Variants in MAP3K20 observed in about 807,000 individuals in gnomAD.
MAP3K20 encodes mitogen-activated protein kinase kinase kinase 20.
MAP3K20 carries 40 observed loss-of-function variants against 85.7 expected under a neutral mutation model. The observed-to-expected ratio is 0.47, with a 90% CI of 0.36 to 0.61. The LOEUF is 0.61. Among genes scored for constraint, MAP3K20 ranks in the 20% least tolerant of loss-of-function variants. The pLI is 0.00. For missense variants in MAP3K20, 817 were observed against 961.7 expected, an observed-to-expected ratio of 0.85 and a Z score of 1.99; for synonymous variants, 325 against 327.7, an observed-to-expected ratio of 0.99 and a Z score of 0.09.
Position 173,169,868 on chromosome 2 carries a change from C to T in MAP3K20, c.223C>T (p.Pro75Ser). The T allele has an allele frequency of 6.2e-7, 1 of 1,613,872 alleles. No homozygotes were observed. The highest frequency in any genetic ancestry group is 8.5e-7 in the Non-Finnish European group (1 of 1,179,914). Residue 75 changes from proline (P) to serine (S), a missense_variant, in exon 3 of 20, where the codon CCT becomes TCT. Pro to Ser is a moderately conservative substitution (Grantham distance 74). Transcript: ENST00000375213. Reference sequence around the variant, plus strand: ...CCAGTTTTATGGAGTAATTCTTGAACCTCCCAACTATGGCATTGTCACAGG... The same window carrying T: ...CCAGTTTTATGGAGTAATTCTTGAATCTCCCAACTATGGCATTGTCACAGG... ...IIQFYGVILE[P>S]PNYGIVTEYA...
Position 173,266,504 on chromosome 2 carries a change from G to C in MAP3K20, c.2157G>C (p.Gln719His). 6.2e-7 allele frequency: 1 copy of C among 1,614,080 alleles called. No individual in the cohort carries two copies. Among genetic ancestry groups the C allele is most frequent in the Non-Finnish European group, 8.5e-7 (1 of 1,180,008 alleles). ...RYPGKFYRVSQSALNPHQSPD... is the reference protein window; with the variant it reads ...RYPGKFYRVSHSALNPHQSPD... The stretch of plus-strand genomic sequence containing the variant: ...CTGGAAAGTTCTACAGGGTTTCTCA[G>C]TCAGCACTCAATCCTCACCAGTCGC... The change falls in exon 20 of 20, where the codon CAG becomes CAC. Residue 719 changes from glutamine (Q) to histidine (H), a missense_variant. By Grantham distance (24) the Gln-to-His change is conservative. Transcript: ENST00000375213.
chr2:173,185,135 G>T (rs1690449348), intron 4 of MAP3K20, among the ~76,000 whole-genome samples: 1 of 152,138 alleles, frequency 6.6e-6, no homozygotes, highest in South Asian at 2.1e-4. Flanking sequence ...CAGCTACTCA[G>T]GAGGCTAAGG....
intron 17 of MAP3K20, 84 bp from the exon 18 acceptor site, chr2:173,260,979 A>G (rs1685277916): frequency 1.6e-6 from 2 of 1,265,776 alleles, no homozygotes; most frequent in Admixed American, 1.8e-5. Flanking sequence ...CTAATTGTGT[A>G]TGGCACAACC....
intron 7 of MAP3K20, 56 bp downstream of exon 7, chr2:173,191,233 A>G: frequency 6.2e-7 from 1 of 1,600,512 alleles, no homozygotes; most frequent in Non-Finnish European, 8.5e-7. Flanking sequence ...GCAAACACTC[A>G]AAAGAAGAGA....
intron 8 of MAP3K20, 124 bp from the exon 9 acceptor site, chr2:173,203,672 G>T: frequency 4.2e-6 from 3 of 720,598 alleles, no homozygotes; most frequent in East Asian, 2.5e-5. Flanking sequence ...ATCAATGGAA[G>T]CTTTAAATTT....
In MAP3K20 at chr2:173,267,673, A is replaced by AGTTTT; in HGVS notation, c.*923_*924insGTTTT. On this transcript the variant is annotated 3_prime_UTR_variant, in exon 20 of 20. Transcript: ENST00000375213. ...TCACCAAAGGAGCAAAGAGGATAAAACAACACTCCATAAAGGCCTCTTGGG... is the reference window on the plus strand; with the variant it reads ...TCACCAAAGGAGCAAAGAGGATAAAAGTTTTCAACACTCCATAAAGGCCTCTTGGG... The AGTTTT allele has an allele frequency of 6.6e-6, 1 of 152,346 alleles. No homozygotes were observed. Among genetic ancestry groups the AGTTTT allele is most frequent in the African/African-American group, 2.4e-5 (1 of 41,570 alleles). 9.4% of individuals were successfully genotyped at this position (152,346 alleles called of 1,614,324 possible).
chr2:173,155,749 T>G (rs1689450610), intron 2 of MAP3K20, among the ~76,000 whole-genome samples: 1 of 152,212 alleles, frequency 6.6e-6, no homozygotes, highest in South Asian at 2.1e-4. Flanking sequence ...TGTTTTGGGA[T>G]TATTTGACCA....
chr2:173,107,312 G>A (rs1687810247), intron 2 of MAP3K20, among the ~76,000 whole-genome samples: 1 of 152,296 alleles, frequency 6.6e-6, no homozygotes, highest in Middle Eastern at 3.4e-3. Context: ...CTGGACAGAG[G>A]AGGCAAGGGA....
chr2:173,166,110 T>C (rs1484297092), intron 2 of MAP3K20, among the ~76,000 whole-genome samples: 2 of 152,360 alleles, frequency 1.3e-5, no homozygotes, highest in African/African-American at 4.8e-5. Context: ...CAGCCCCTGG[T>C]TACAACCTCT....
At chr2:173,129,277 C>T (rs1247028409) in intron 2 of MAP3K20, among the ~76,000 whole-genome samples, 1 of 152,118 alleles carries the variant, frequency 6.6e-6, no homozygotes, top group Non-Finnish European at 1.5e-5. Context: ...TATATGAATA[C>T]TTACTAACAG....
At chr2:173,134,336 C>T (rs1256725387) in intron 2 of MAP3K20, among the ~76,000 whole-genome samples, 51 of 134,356 alleles carry the variant, frequency 3.8e-4, no homozygotes, top group African/African-American at 1.3e-3. Context: ...TAGCTAGAAC[C>T]ACAGGCGCAT....
chr2:173,162,760 C>G (rs1315893371), intron 2 of MAP3K20, among the ~76,000 whole-genome samples: 2 of 151,542 alleles, frequency 1.3e-5, no homozygotes, highest in African/African-American at 4.9e-5. Flanking sequence ...GCTTAAATAC[C>G]ACACACACTA....
rs1250928127 is a variant in MAP3K20 at position 173,248,750 on chromosome 2, C to A, written c.1359+9254C>A. Among the ~76,000 whole-genome samples the A allele has an allele frequency of 2.0e-5, 3 of 152,068 alleles. No individual in the cohort carries two copies. The East Asian group carries it at 5.8e-4, about 29-fold the overall frequency. ...GGCCGATTTCAAGTTACCAATCTGG[C>A]ATCACTGGATTTGAAGTTGGGAATG... On this transcript the variant is annotated intron_variant, in intron 16 of 19. Transcript: ENST00000375213.
Position 173,143,261 on chromosome 2 carries a change from T to A in MAP3K20, c.160-26544T>A, listed in dbSNP as rs565867049. Among the ~76,000 whole-genome samples, 13 of 152,312 alleles carry A rather than the reference T, an allele frequency of 8.5e-5. No homozygotes were observed. The South Asian group carries it at 2.7e-3, about 32-fold the overall frequency. ...TAAAGATAAAATGATTTAATAATGA[T>A]GATTTAAAAAGTCAGTTTCTTAAAA... On this transcript the variant is annotated intron_variant, in intron 2 of 19. Transcript: ENST00000375213.
chr2:173,142,564 TAAATC>T (rs1689008354), intron 2 of MAP3K20, among the ~76,000 whole-genome samples: 1 of 151,826 alleles, frequency 6.6e-6, no homozygotes, highest in South Asian at 2.1e-4. Flanking sequence ...AGCACAAAAT[TAAATC>T]TAAGTAGACT....
intron 5 of MAP3K20, 101 bp from the exon 6 acceptor site, chr2:173,190,794 C>A: frequency 9.1e-7 from 1 of 1,094,800 alleles, no homozygotes; most frequent in Non-Finnish European, 1.3e-6. Context: ...TTTCATAATC[C>A]CATATTGAAG....
chr2:173,239,452 G>A lies in MAP3K20; in HGVS notation c.1315G>A (p.Glu439Lys). The A allele has an allele frequency of 1.2e-6, 2 of 1,613,620 alleles. No homozygotes were observed. Among genetic ancestry groups the A allele is most frequent in the East Asian group, 4.5e-5 (2 of 44,838 alleles). Residue 439 changes from glutamate (E) to lysine (K), a missense_variant, in exon 16 of 20, where the codon GAA (glutamate) becomes AAA (lysine). Transcript: ENST00000375213. ...AAATGAGGAAAAAATAGTGAACCTG[G>A]AACTGGTTTTTGGTTTTCACTTGAA... ...EENEEKIVNL[E>K]LVFGFHLKPG... is the part of the protein sequence containing the mutation.
At chr2:173,260,799 T>C (rs950500254) in intron 17 of MAP3K20, among the ~76,000 whole-genome samples, 1 of 152,258 alleles carries the variant, frequency 6.6e-6, no homozygotes, top group African/African-American at 2.4e-5. Context: ...GATTGAGTGA[T>C]AGCAAATGTT....
chr2:173,184,234 T>A (rs6433398), intron 4 of MAP3K20, among the ~76,000 whole-genome samples: 17 of 152,136 alleles, frequency 1.1e-4, no homozygotes, highest in African/African-American at 3.6e-4. Context: ...GGAGGCTGCC[T>A]GAGCATTGTG....
Sources: allele counts gnomAD v4.1 joint callset (sites outside exome capture counted in the v4.1 genomes callset), GRCh38; gene constraint gnomAD v4.1.1; transcripts MANE v1.5; gene names NCBI Gene and HGNC (gene_info 2026-07-23, HGNC 2026-07-21).